DPYD: variants seen among roughly 807,000 people sequenced by gnomAD.
The protein encoded by DPYD is dihydropyrimidine dehydrogenase, also known as dihydropyrimidine dehydrogenase [NADP(+)].
In DPYD, 109 loss-of-function variants were observed where a neutral mutation model predicts 116.2. The observed-to-expected ratio is 0.94, with a 90% confidence interval of 0.80 to 1.10. The LOEUF is 1.10. Among genes scored for constraint, DPYD ranks in the 50% least tolerant of loss-of-function variants. DPYD has a pLI of 0.00. For missense variants in DPYD, 1,302 were observed against 1,254.5 expected (o/e 1.04, Z -0.57); for synonymous variants, 440 against 432.0 (o/e 1.02, Z -0.23).
chr1:97,731,978 T>C (rs1047962202), intron 4 of DPYD, among the ~76,000 whole-genome samples: 1 of 152,154 alleles, frequency 6.6e-6, no homozygotes, highest in Non-Finnish European at 1.5e-5. Flanking sequence ...AACAATATGA[T>C]GTTACTCGTT....
At chr1:97,683,487 C>G (rs1660541056) in intron 7 of DPYD, among the ~76,000 whole-genome samples, 1 of 151,662 alleles carries the variant, frequency 6.6e-6, no homozygotes, top group Non-Finnish European at 1.5e-5. Context: ...AGAATTCTAT[C>G]AGAATACTTT....
chr1:97,509,705 G>C (rs911753156), intron 13 of DPYD, among the ~76,000 whole-genome samples: 2 of 151,780 alleles, frequency 1.3e-5, no homozygotes, highest in Admixed American at 6.6e-5. Flanking sequence ...ATGGAAAAAA[G>C]GTTCTCAAAA....
rs537313039 is a variant in DPYD, at chr1:97,224,981, C to A, written c.2442+9871G>T. Among the ~76,000 whole-genome samples the A allele has an allele frequency of 3.8e-4, 57 of 149,856 alleles. 1 individual carries two copies. In the South Asian group the frequency reaches 0.012, roughly 31 times the overall value. On this transcript the variant is annotated intron_variant, in intron 19 of 22. Transcript: ENST00000370192. ...CTGCACAGAATATGGGAGTACAGAT[C>A]TATCTAACTATCTGTCTGTCTGTCT...
chr1:97,537,078 C>T (rs943935681), intron 12 of DPYD, among the ~76,000 whole-genome samples: 1 of 152,168 alleles, frequency 6.6e-6, no homozygotes, highest in African/African-American at 2.4e-5. Context: ...TAACAAGTGT[C>T]TTTTATTTAA....
chr1:97,203,254 G>C (rs1157165226), intron 19 of DPYD, among the ~76,000 whole-genome samples: 1 of 152,036 alleles, frequency 6.6e-6, no homozygotes, highest in Non-Finnish European at 1.5e-5. Flanking sequence ...TGATAAAAGT[G>C]GGGTAAGAAA....
intron 5 of DPYD, among the ~76,000 whole-genome samples, chr1:97,709,395 T>C (rs1662159024): frequency 1.3e-5 from 2 of 151,852 alleles, no homozygotes; most frequent in Admixed American, 1.3e-4. Context: ...AAGTACATGG[T>C]ATATATTTTT....
chr1:97,484,608 G>GAT (rs1296950524), intron 13 of DPYD, among the ~76,000 whole-genome samples: 1 of 152,122 alleles, frequency 6.6e-6, no homozygotes, highest in Admixed American at 6.5e-5. Context: ...ACTTCTCCAT[G>GAT]TAGCACAACT....
At chr1:97,149,274 C>G (rs574924626) in intron 20 of DPYD, among the ~76,000 whole-genome samples, 1 of 152,156 alleles carries the variant, frequency 6.6e-6, no homozygotes, top group East Asian at 1.9e-4. Context: ...TTTTTTGTAA[C>G]AGAGTCTCGC....
chr1:97,790,776 TTC>T (rs1571362194), intron 3 of DPYD, among the ~76,000 whole-genome samples: 1 of 152,180 alleles, frequency 6.6e-6, no homozygotes, highest in African/African-American at 2.4e-5. Flanking sequence ...TAGAAAGACA[TTC>T]TGTTGAGTTC....
At position 97,545,138 on chromosome 1, in the gene DPYD, GT is replaced by G. The variant is rs1263601638; in HGVS notation, c.1524+4421del. Reference sequence around the variant, plus strand: ...GAGAAGAATAAAACTTAGATAAGTAGTTGGTAAATACAGCTATGTACCGTTT... The same window carrying G: ...GAGAAGAATAAAACTTAGATAAGTAGTGGTAAATACAGCTATGTACCGTTT... On this transcript the variant is annotated intron_variant, in intron 12 of 22. Transcript: ENST00000370192. 2.0e-5 allele frequency among the ~76,000 whole-genome samples: 3 copies of G among 152,238 alleles called. No homozygotes were observed. In the East Asian group the frequency reaches 5.8e-4, roughly 29 times the overall value.
At chr1:97,654,617 C>T (rs940648923) in intron 8 of DPYD, among the ~76,000 whole-genome samples, 1 of 151,724 alleles carries the variant, frequency 6.6e-6, no homozygotes, top group Non-Finnish European at 1.5e-5. Flanking sequence ...AAAAGCATAC[C>T]AATAGAAAGA....
chr1:97,881,813 T>C (rs1672236011), intron 2 of DPYD, among the ~76,000 whole-genome samples: 1 of 151,752 alleles, frequency 6.6e-6, no homozygotes, highest in Non-Finnish European at 1.5e-5. Flanking sequence ...TGATAGTCTT[T>C]AAGGGCTTTC....
intron 13 of DPYD, among the ~76,000 whole-genome samples, chr1:97,464,149 G>A (rs1677172355): frequency 6.6e-6 from 1 of 151,938 alleles, no homozygotes. Context: ...TGAGGCAGGA[G>A]AATCACTTGA....
intron 1 of DPYD, among the ~76,000 whole-genome samples, chr1:97,920,219 C>G (rs1377108113): frequency 1.3e-5 from 2 of 151,886 alleles, no homozygotes; most frequent in African/African-American, 4.9e-5. Flanking sequence ...ACCTTATTTA[C>G]ATAAAAAAAG....
At chr1:97,639,680 A>C (rs2100814197) in intron 8 of DPYD, among the ~76,000 whole-genome samples, 1 of 152,298 alleles carries the variant, frequency 6.6e-6, no homozygotes, top group East Asian at 1.9e-4. Context: ...TGGGTCCTTC[A>C]GCGTTATAAG....
intron 19 of DPYD, among the ~76,000 whole-genome samples, chr1:97,219,212 T>C (rs1235896090): frequency 2.6e-5 from 4 of 152,140 alleles, no homozygotes; most frequent in Non-Finnish European, 5.9e-5. Flanking sequence ...CTGAATGTCA[T>C]GAATGGAAAC....
At position 97,794,686 on chromosome 1, in the gene DPYD, A is replaced by G. The variant is rs562177858; in HGVS notation, c.233+33428T>C. 2.7e-3 allele frequency among the ~76,000 whole-genome samples: 415 copies of G among 152,270 alleles called. 2 individuals are homozygous for G. Among genetic ancestry groups the G allele is most frequent in the African/African-American group, 8.9e-3 (369 of 41,560 alleles). On this transcript the variant is annotated intron_variant, in intron 3 of 22. Coordinates refer to ENST00000370192, the MANE Select transcript of DPYD (RefSeq NM_000110.4). ...GTATTTTTCAGGCTTCTCTTCTGTA[A>G]AGTTACTCTTTTCCAACTCTTTACA...
chr1:97,473,154 C>T (rs1349880198), intron 13 of DPYD, among the ~76,000 whole-genome samples: 1 of 152,204 alleles, frequency 6.6e-6, no homozygotes, highest in Admixed American at 6.5e-5. Context: ...CTGGCAACTA[C>T]CATCTTACTC....
At chr1:97,550,257 T>C (rs957315062) in intron 11 of DPYD, among the ~76,000 whole-genome samples, 1 of 152,108 alleles carries the variant, frequency 6.6e-6, no homozygotes, top group Non-Finnish European at 1.5e-5. Flanking sequence ...ATTAAATTAT[T>C]TGCACTTACT....
Sources: allele counts gnomAD v4.1 joint callset (sites outside exome capture counted in the v4.1 genomes callset), GRCh38; gene constraint gnomAD v4.1.1; transcripts MANE v1.5; gene names NCBI Gene and HGNC (gene_info 2026-07-23, HGNC 2026-07-21).